Variants in RASGRF1 observed in about 807,000 individuals in gnomAD.
RASGRF1 encodes ras-specific guanine nucleotide-releasing factor 1.
Under a neutral mutation model 138.7 loss-of-function variants are expected in RASGRF1, and 40 were observed. The ratio of observed to expected loss-of-function variants is 0.29; its 90% CI spans 0.22 to 0.38. The LOEUF is 0.38. RASGRF1 is among the 10% of genes least tolerant of loss of function. The pLI, the probability that RASGRF1 is intolerant of heterozygous loss-of-function variation, is 1.00. For synonymous variants in RASGRF1, 614 were observed against 663.2 expected, an observed-to-expected ratio of 0.93 and a Z score of 1.14; for missense variants, 1,108 against 1,650.4, an observed-to-expected ratio of 0.67 and a Z score of 5.69.
intron 15 of RASGRF1, among the ~76,000 whole-genome samples, chr15:79,001,996 GC>G (rs1413143888): frequency 6.6e-6 from 1 of 152,196 alleles, no homozygotes; most frequent in Non-Finnish European, 1.5e-5. Context: ...CTCCAAGGTG[GC>G]TTTTGCTCCA....
In RASGRF1 at chr15:78,973,290, G is replaced by A. The variant is rs772140682; in HGVS notation, c.3612+13C>T. The A allele has an allele frequency of 1.3e-6, 2 of 1,574,922 alleles. No individual in the cohort carries two copies. The highest frequency in any genetic ancestry group is 1.4e-5 in the African/African-American group (1 of 73,914). On this transcript the variant is annotated intron_variant, in intron 25 of 26. Coordinates refer to ENST00000558480, the MANE Select transcript of RASGRF1 (RefSeq NM_001145648.3). The surrounding 1 kb of genome is among the most constrained non-coding windows in gnomAD (Gnocchi z 4.9). ...AACGCCCCCCTTCCCCTGCCTGGCT[G>A]GGGGGAACGCACCATCCTCATCTTG...
rs2055999271 is a variant in RASGRF1, at chr15:78,980,470, G to A, written c.3494+150C>T. The A allele has an allele frequency of 7.2e-6, 4 of 554,122 alleles. No homozygotes were observed. The Admixed American group carries it at 9.2e-5, about 13-fold the overall frequency. 34.3% of individuals were successfully genotyped at this position (554,122 alleles called of 1,614,324 possible). On this transcript the variant is annotated intron_variant, in intron 24 of 26. Coordinates refer to ENST00000558480, the MANE Select transcript of RASGRF1 (RefSeq NM_001145648.3). ...GCAGACCATGGAGGACTCCACCATT[G>A]GGGTCCAGGAAATCTAGGGGTCTTG...
intron 5 of RASGRF1, among the ~76,000 whole-genome samples, chr15:79,041,004 T>C (rs1433663570): frequency 6.6e-6 from 1 of 152,154 alleles, no homozygotes; most frequent in African/African-American, 2.4e-5. Context: ...AAAACAGAAA[T>C]AGTCCCCATC....
chr15:79,090,113 C>T lies in RASGRF1; in HGVS notation c.276+110G>A, dbSNP rs2058034441. 4 of 1,372,300 alleles carry T rather than the reference C, an allele frequency of 2.9e-6. No homozygotes were observed. In the East Asian group the frequency reaches 7.6e-5, roughly 26 times the overall value. The allele number at this position is 1,372,300 out of a possible 1,614,324, so 85.0% of individuals were successfully genotyped here. A position where few individuals can be genotyped will look rare whatever the true frequency, so the allele number is the denominator to read the frequency against. The stretch of plus-strand genomic sequence containing the variant: ...CTGAGGGTGCAGAGAGCGCCTAGGG[C>T]GCCAAGAGTAGAGGGGCCAAAGTTC... On this transcript the variant is annotated intron_variant, in intron 1 of 26. Transcript: ENST00000558480.
chr15:79,078,147 G>GTGTGCATGTGTC (rs1555407806), intron 1 of RASGRF1, among the ~76,000 whole-genome samples: 26 of 149,970 alleles, frequency 1.7e-4, no homozygotes, highest in Admixed American at 1.1e-3. Context: ...GTGTGTGTGT[G>GTGTGCATGTGTC]TGTGTGCATG....
chr15:79,056,423 C>T (rs147734534), intron 3 of RASGRF1, among the ~76,000 whole-genome samples: 32 of 152,182 alleles, frequency 2.1e-4, no homozygotes, highest in African/African-American at 7.2e-4. Context: ...CTGGGTGGGC[C>T]GGAGTGGGGA....
rs781177277 is a variant in RASGRF1 at position 79,027,692 on chromosome 15, C to T, written c.1381+49G>A. ...CCCGAGTGCCGCCTCCCTCCCGCTG[C>T]TGGGGCCCACCTGGTGGGGGCAGGG... is the stretch of plus-strand genomic sequence containing the variant. On this transcript the variant is annotated intron_variant, in intron 9 of 26. Coordinates refer to ENST00000558480, the MANE Select transcript of RASGRF1 (RefSeq NM_001145648.3). The surrounding 1 kb of genome is among the most constrained non-coding windows in gnomAD (Gnocchi z 4.8). The T allele has an allele frequency of 6.3e-7, 1 of 1,576,778 alleles. No individual in the cohort carries two copies. Among genetic ancestry groups the T allele is most frequent in the Admixed American group, 1.7e-5 (1 of 58,786 alleles).
At chr15:78,978,783 C>T (rs942241973) in intron 24 of RASGRF1, 8 of 1,127,462 alleles carry the variant, frequency 7.1e-6, no homozygotes, top group Non-Finnish European at 7.7e-6. Context: ...CCCAGGTTTC[C>T]CCAGTCCCTC....
intron 7 of RASGRF1, among the ~76,000 whole-genome samples, chr15:79,031,731 G>A (rs2057141292): frequency 6.6e-6 from 1 of 150,898 alleles, no homozygotes; most frequent in Admixed American, 6.6e-5. Flanking sequence ...TGGGGTGCGG[G>A]CCAGGGGAGA....
At chr15:79,077,695 T>G (rs901275894) in intron 1 of RASGRF1, among the ~76,000 whole-genome samples, 4 of 152,178 alleles carry the variant, frequency 2.6e-5, no homozygotes. Context: ...TGTAACTGGC[T>G]GCCAGTTGTA....
intron 2 of RASGRF1, among the ~76,000 whole-genome samples, chr15:79,063,801 T>G (rs1211729391): frequency 6.6e-6 from 1 of 152,218 alleles, no homozygotes; most frequent in Non-Finnish European, 1.5e-5. Flanking sequence ...GACCACATCC[T>G]GGCTCACAAA....
intron 1 of RASGRF1, among the ~76,000 whole-genome samples, chr15:79,079,012 G>A (rs1056633760): frequency 6.6e-6 from 1 of 152,256 alleles, no homozygotes; most frequent in East Asian, 1.9e-4. Context: ...GGGCTTAGAA[G>A]CCCTTGAAAG....
At chr15:79,084,123 T>C (rs993287007) in intron 1 of RASGRF1, among the ~76,000 whole-genome samples, 1 of 152,258 alleles carries the variant, frequency 6.6e-6, no homozygotes, top group African/African-American at 2.4e-5. Context: ...CTGATTGATG[T>C]GGGAGTGTGG....
Position 78,995,759 on chromosome 15 carries a change from A to G in RASGRF1, c.3008T>C (p.Leu1003Pro). Residue 1003 changes from leucine to proline, a missense_variant, in exon 20 of 27, where the codon CTG (leucine) becomes CCG (proline). This residue lies in a region of RASGRF1 where 686 missense variants were observed against 976.7 expected (regional missense o/e 0.70). Coordinates refer to ENST00000558480, the MANE Select transcript of RASGRF1 (RefSeq NM_001145648.3). ...QEDPGDNQIT[L>P]EEITQMAEGV... ...GCTCACCATCTGCGTGATCTCCTCC[A>G]GCGTGATCTGGTTGTCACCTGGGTC... The G allele has an allele frequency of 6.2e-7, 1 of 1,614,188 alleles. No homozygotes were observed. The highest frequency in any genetic ancestry group is 1.1e-5 in the South Asian group (1 of 91,086).
chr15:79,090,243 T>A lies in RASGRF1; in HGVS notation c.256A>T (p.Lys86Ter). The A allele has an allele frequency of 1.2e-6, 2 of 1,608,284 alleles. No individual in the cohort carries two copies. The highest frequency in any genetic ancestry group is 1.7e-6 in the Non-Finnish European group (2 of 1,178,456). Residue 86 changes from lysine to a stop codon, truncating the protein, a stop_gained, in exon 1 of 27, where the codon AAG becomes TAG. Coordinates refer to ENST00000558480, the MANE Select transcript of RASGRF1 (RefSeq NM_001145648.3). LOFTEE classifies it high-confidence loss of function. ...CTCACCTGTTTCTCCAGCGGCTCCT[T>A]GGCCGACAGCGCCGGCTTGGGGGAG... Reference protein sequence around the residue: ...APSPKPALSAKEPLEKQHYFT... With the variant: ...APSPKPALSA
At chr15:78,990,803 G>C (rs537054933) in intron 21 of RASGRF1, among the ~76,000 whole-genome samples, 2 of 152,252 alleles carry the variant, frequency 1.3e-5, no homozygotes. Flanking sequence ...GGCCGGGGAG[G>C]TGATTTGTGT....
In RASGRF1 at chr15:79,010,943, C is replaced by T. The variant is rs73465367; in HGVS notation, c.1826+4384G>A. The stretch of plus-strand genomic sequence containing the variant: ...GTGGGAGTACTCGGGACACGTGGGG[C>T]GTATACCTTTGTCTTGCAAACCCAA... On this transcript the variant is annotated intron_variant, in intron 13 of 26. Coordinates refer to ENST00000558480, the MANE Select transcript of RASGRF1 (RefSeq NM_001145648.3). 1.6e-3 allele frequency among the ~76,000 whole-genome samples: 239 copies of T among 152,246 alleles called. 2 individuals carry two copies. Among genetic ancestry groups the T allele is most frequent in the African/African-American group, 5.5e-3 (230 of 41,542 alleles).
chr15:79,016,867 C>T (rs2056886266), intron 12 of RASGRF1, among the ~76,000 whole-genome samples: 1 of 152,202 alleles, frequency 6.6e-6, no homozygotes, highest in Admixed American at 6.5e-5. Flanking sequence ...CTGCCCTGCC[C>T]TTTCAGTTTC....
chr15:78,999,831 G>A lies in RASGRF1; in HGVS notation c.2658C>T (p.Ala886=), dbSNP rs144903599. 2.9e-5 allele frequency: 46 copies of A among 1,614,000 alleles called. 1 individual carries two copies. Among genetic ancestry groups the A allele is most frequent in the Middle Eastern group, 1.6e-4 (1 of 6,084 alleles). ...ELDNNRSALS[A]ASAFAIATAG... is the part of the protein sequence containing the mutation. ...CGGTTGCTATGGCAAAGGCAGAGGC[G>A]GCCGACAAGGCACTGCGGTTATTGT... The change falls in exon 17 of 27, where the codon GCC becomes GCT. Residue 886 remains alanine, a synonymous_variant. Transcript: ENST00000558480.
Sources: gnomAD v4.1 joint callset for allele counts (sites outside exome capture counted in the v4.1 genomes callset) on GRCh38, gnomAD v4.1.1 for gene constraint, gnomAD v4.1.1 regional missense constraint, Gnocchi (gnomAD v3.1) non-coding constraint, MANE v1.5 for transcripts, NCBI Gene and HGNC (gene_info 2026-07-23, HGNC 2026-07-21) for gene names.